The following CDH11 variants were observed in gnomAD, a reference collection of about 807,000 sequenced individuals.
CDH11 encodes the protein cadherin 11, also known as cadherin-11.
Under a neutral mutation model 67.8 loss-of-function variants are expected in CDH11, and 11 were observed. The observed-to-expected ratio is 0.16, with a 90% CI of 0.10 to 0.27. The LOEUF is 0.27. Among genes scored for constraint, CDH11 ranks in the 10% least tolerant of loss-of-function variants. The probability of loss-of-function intolerance (pLI) is 1.00; values close to 1 mark genes in which losing one functional copy is unlikely to be tolerated. For synonymous variants in CDH11, 419 were observed against 400.0 expected (o/e 1.05, Z -0.57); for missense variants, 847 against 1,031.2 (o/e 0.82, Z 2.45).
chr16:65,110,832 T>C (rs962606575), intron 1 of CDH11, among the ~76,000 whole-genome samples: 4 of 152,138 alleles, frequency 2.6e-5, no homozygotes, highest in African/African-American at 4.8e-5. Flanking sequence ...GGTTATTTCC[T>C]AAACATAGGA....
chr16:64,982,471 T>C, intron 7 of CDH11, 170 bp from the exon 8 acceptor site: 1 of 606,852 alleles, frequency 1.6e-6, no homozygotes. Flanking sequence ...ACAAATCAAT[T>C]GCTGAAACCT....
chr16:64,947,831 G>T lies in CDH11; in HGVS notation c.2163C>A (p.Ile721=). The T allele has an allele frequency of 1.2e-6, 2 of 1,614,118 alleles. No homozygotes were observed. The highest frequency in any genetic ancestry group is 8.5e-7 in the Non-Finnish European group (1 of 1,179,986). ...APNSVDVDDF[I]NTRIQEADND... ...TGTCTGCCTCCTGTATTCTCGTGTT[G>T]ATGAAGTCATCGACATCCACGCTGT... Residue 721 remains isoleucine (I), a synonymous_variant, in exon 13 of 13, where the codon ATC becomes ATA. Transcript: ENST00000268603.
intron 1 of CDH11, 21 bp from the exon 2 acceptor site, chr16:65,053,949 A>T (rs772530723): frequency 2.0e-5 from 9 of 456,002 alleles, no homozygotes; most frequent in South Asian, 1.4e-4. Context: ...TGAAAGGATC[A>T]TTAGTAACCT....
At chr16:65,052,895 A>T (rs138354178) in intron 2 of CDH11, among the ~76,000 whole-genome samples, 123 of 152,334 alleles carry the variant, frequency 8.1e-4, no homozygotes, top group African/African-American at 2.9e-3. Flanking sequence ...AGGAATCAAG[A>T]GGAATTAACT....
chr16:65,010,758 G>A (rs2142545829), intron 2 of CDH11, among the ~76,000 whole-genome samples: 1 of 152,138 alleles, frequency 6.6e-6, no homozygotes, highest in Middle Eastern at 3.4e-3. Flanking sequence ...TGCTTTGAAA[G>A]TGGAAAGATC....
In CDH11 at chr16:64,950,902, T is replaced by C; in HGVS notation, c.1759A>G (p.Thr587Ala). The C allele has an allele frequency of 1.2e-6, 2 of 1,614,124 alleles. No homozygotes were observed. The highest frequency in any genetic ancestry group is 1.7e-6 in the Non-Finnish European group (2 of 1,180,020). Residue 587 changes from threonine to alanine, a missense_variant, in exon 12 of 13, where the codon ACC becomes GCC. Thr to Ala is a moderately conservative substitution (Grantham distance 58). Transcript: ENST00000268603. ...GGIPPMSSTN[T>A]LTIKVCGCDV... ...CACCCGCAGACTTTGATGGTGAGGG[T>C]GTTGGTGCTACTCATGGGCGGGATG...
In CDH11 at chr16:64,947,119, T is replaced by A; in HGVS notation, c.*484A>T. 5 of 1,027,544 alleles carry A rather than the reference T, an allele frequency of 4.9e-6. No individual in the cohort carries two copies. The highest frequency in any genetic ancestry group is 5.9e-6 in the Non-Finnish European group (5 of 850,496). The allele number at this position is 1,027,544 out of a possible 1,614,324, so 63.7% of individuals were successfully genotyped here. A position where few individuals can be genotyped will look rare whatever the true frequency, so the allele number is the denominator to read the frequency against. On this transcript the variant is annotated 3_prime_UTR_variant, in exon 13 of 13. Coordinates refer to ENST00000268603, the MANE Select transcript of CDH11 (RefSeq NM_001797.4). ...AATTGTACATTGTATTGTACATACATTGTATGGGTTTAAGCTGGCTGAATA... is the reference window on the plus strand; with the variant it reads ...AATTGTACATTGTATTGTACATACAATGTATGGGTTTAAGCTGGCTGAATA...
intron 2 of CDH11, among the ~76,000 whole-genome samples, chr16:65,044,046 G>A (rs148536838): frequency 2.2e-4 from 34 of 152,270 alleles, no homozygotes; most frequent in Non-Finnish European, 4.4e-4. Flanking sequence ...AAAAAGGGAG[G>A]AGAGGATCTT....
At chr16:64,994,620 G>T (rs1472159048) in intron 4 of CDH11, among the ~76,000 whole-genome samples, 3 of 151,408 alleles carry the variant, frequency 2.0e-5, no homozygotes, top group Admixed American at 2.0e-4. Context: ...ATGAGCAAAA[G>T]CTGGAAGCAT....
intron 2 of CDH11, among the ~76,000 whole-genome samples, chr16:65,053,584 T>A (rs2074093931): frequency 6.6e-6 from 1 of 152,196 alleles, no homozygotes; most frequent in Non-Finnish European, 1.5e-5. Flanking sequence ...TACTAGCACA[T>A]AATAGGTGTT....
At chr16:65,071,803 A>G (rs1182236318) in intron 1 of CDH11, among the ~76,000 whole-genome samples, 1 of 152,192 alleles carries the variant, frequency 6.6e-6, no homozygotes, top group Admixed American at 6.5e-5. Flanking sequence ...GAAGATCGTG[A>G]CCCGAGCCGA....
At chr16:64,963,759 C>T (rs995939325) in intron 11 of CDH11, among the ~76,000 whole-genome samples, 2 of 152,118 alleles carry the variant, frequency 1.3e-5, no homozygotes, top group Non-Finnish European at 1.5e-5. Flanking sequence ...GAATTACATC[C>T]ACCTTCTCAG....
intron 1 of CDH11, among the ~76,000 whole-genome samples, chr16:65,113,560 T>C (rs1010973905): frequency 1.3e-5 from 2 of 152,072 alleles, no homozygotes; most frequent in Non-Finnish European, 2.9e-5. Context: ...TGGTTCGAAG[T>C]GGTTAGACTG....
chr16:65,064,955 C>A (rs1050265878), intron 1 of CDH11, among the ~76,000 whole-genome samples: 14 of 152,160 alleles, frequency 9.2e-5, no homozygotes, highest in Non-Finnish European at 1.2e-4. Context: ...CCAACGGGGA[C>A]ATGGGTGAGG....
At chr16:65,096,443 G>GTGTATA (rs71143551) in intron 1 of CDH11, among the ~76,000 whole-genome samples, 116 of 138,446 alleles carry the variant, frequency 8.4e-4, no homozygotes, top group African/African-American at 1.7e-3. Context: ...GTGTGTGTGT[G>GTGTATA]TATATATATG....
chr16:65,043,936 C>T (rs921594985), intron 2 of CDH11, among the ~76,000 whole-genome samples: 1 of 151,938 alleles, frequency 6.6e-6, no homozygotes, highest in African/African-American at 2.4e-5. Context: ...CTTTGGGCCT[C>T]GTTTTATTCT....
chr16:65,059,347 G>A (rs1242406991), intron 1 of CDH11, among the ~76,000 whole-genome samples: 1 of 152,070 alleles, frequency 6.6e-6, no homozygotes, highest in African/African-American at 2.4e-5. Flanking sequence ...TTGACACAGT[G>A]GCCTTTTAAA....
At chr16:65,103,330 T>C (rs181766968) in intron 1 of CDH11, among the ~76,000 whole-genome samples, 7 of 152,348 alleles carry the variant, frequency 4.6e-5, no homozygotes, top group Admixed American at 4.6e-4. Flanking sequence ...GAAAATGTTA[T>C]AAATTCACTG....
At position 65,069,697 on chromosome 16, in the gene CDH11, T is replaced by C. The variant is rs1363047609; in HGVS notation, c.-297-15769A>G. On this transcript the variant is annotated intron_variant, in intron 1 of 12. Transcript: ENST00000268603. ...ATCATCGAAGTGTCAAATTAAATATTGATACCATCAATTTGAGTCTAAAAT... is the reference window on the plus strand; with the variant it reads ...ATCATCGAAGTGTCAAATTAAATATCGATACCATCAATTTGAGTCTAAAAT... 2.6e-5 allele frequency among the ~76,000 whole-genome samples: 4 copies of C among 152,344 alleles called. No individual in the cohort carries two copies. In the East Asian group the frequency reaches 7.7e-4, roughly 29 times the overall value.
Sources: allele counts gnomAD v4.1 joint callset (sites outside exome capture counted in the v4.1 genomes callset), GRCh38; gene constraint gnomAD v4.1.1; transcripts MANE v1.5; gene names NCBI Gene and HGNC (gene_info 2026-07-23, HGNC 2026-07-21).